The following GAD1 variants were observed in gnomAD, a reference collection of about 807,000 sequenced individuals.
GAD1 encodes the protein glutamate decarboxylase 1.
A neutral mutation model predicts 75.2 loss-of-function variants in GAD1; 35 were observed. That is an observed-to-expected ratio of 0.47 (90% CI 0.36 to 0.62). The LOEUF is 0.62. Among genes scored for constraint, GAD1 ranks in the 20% least tolerant of loss-of-function variants. The pLI, the probability that GAD1 is intolerant of heterozygous loss-of-function variation, is 0.00. For synonymous variants in GAD1, 257 were observed against 271.9 expected, an observed-to-expected ratio of 0.95 and a Z score of 0.54; for missense variants, 490 against 758.5, an observed-to-expected ratio of 0.65 and a Z score of 4.16.
intron 6 of GAD1, 119 bp from the exon 7 acceptor site, chr2:170,843,926 G>C (rs1466828842): frequency 1.4e-6 from 1 of 701,726 alleles, no homozygotes; most frequent in Non-Finnish European, 2.6e-6. Context: ...CATGTTAGTG[G>C]TTTGGAACAG....
In GAD1 at chr2:170,857,020, C is replaced by T; in HGVS notation, c.1416C>T (p.Gly472=). Residue 472 remains glycine, a splice_region_variant and synonymous_variant, in exon 15 of 17, where the codon GGC becomes GGT. Transcript: ENST00000358196. The part of the protein sequence containing the change: ...FKFWLMWKAK[G]TVGFENQINK... Reference sequence around the variant, plus strand: ...CATGACTTTTCTCTTTAAAACAGGGCACAGTGGGATTTGAAAACCAGATCA... The same window carrying T: ...CATGACTTTTCTCTTTAAAACAGGGTACAGTGGGATTTGAAAACCAGATCA... The T allele has an allele frequency of 6.2e-7, 1 of 1,612,982 alleles. No individual in the cohort carries two copies. Among genetic ancestry groups the T allele is most frequent in the Non-Finnish European group, 8.5e-7 (1 of 1,179,128 alleles).
In GAD1 at chr2:170,853,302, A is replaced by G. The variant is rs895862546; in HGVS notation, c.1263+510A>G. 118 of 206,226 alleles carry G rather than the reference A, an allele frequency of 5.7e-4. No homozygotes were observed. Among genetic ancestry groups the G allele is most frequent in the African/African-American group, 2.7e-3 (117 of 43,210 alleles). 12.8% of individuals were successfully genotyped at this position (206,226 alleles called of 1,614,324 possible). Reference sequence around the variant, plus strand: ...CTCATATTCCCTTCTTCACATGCCTAATGTTAGGATCCTGCCCTCCAAGGC... The same window carrying G: ...CTCATATTCCCTTCTTCACATGCCTGATGTTAGGATCCTGCCCTCCAAGGC... On this transcript the variant is annotated intron_variant, in intron 13 of 16. Transcript: ENST00000358196. This position sits in a 1 kb window ranked among gnomAD's most constrained non-coding sequence, Gnocchi z 4.1.
At chr2:170,852,986 G>A in intron 13 of GAD1, 194 bp downstream of exon 13, 5 of 659,642 alleles carry the variant, frequency 7.6e-6, no homozygotes, top group African/African-American at 3.6e-5. Context: ...GCTGGCTACT[G>A]TGCTTCTTCT....
At chr2:170,857,429 T>C (rs915342085) in intron 15 of GAD1, among the ~76,000 whole-genome samples, 20 of 152,080 alleles carry the variant, frequency 1.3e-4, no homozygotes, top group Non-Finnish European at 2.2e-4. Flanking sequence ...CTTGGGTTTG[T>C]TTTGTGTTGA....
At chr2:170,849,376 C>T (rs1446766796) in intron 12 of GAD1, 26 bp downstream of exon 12, 1 of 1,609,520 alleles carries the variant, frequency 6.2e-7, no homozygotes, top group South Asian at 1.1e-5. Flanking sequence ...CGCCAGGCCT[C>T]CTTCCACCCA....
Position 170,826,332 on chromosome 2 carries a change from C to T in GAD1, c.146-3143C>T, listed in dbSNP as rs186393500. ...CTGTAATCCCAGCACTTTGGGAGGC[C>T]GAGACAGGTGGATCACCTGAGGTCA... On this transcript the variant is annotated intron_variant, in intron 3 of 16. Coordinates refer to ENST00000358196, the MANE Select transcript of GAD1 (RefSeq NM_000817.3). 2.7e-3 allele frequency among the ~76,000 whole-genome samples: 411 copies of T among 151,872 alleles called. 10 individuals are homozygous for T. Among genetic ancestry groups the T allele is most frequent in the Admixed American group, 0.023 (354 of 15,248 alleles).
intron 4 of GAD1, 39 bp downstream of exon 4, chr2:170,829,672 G>C: frequency 6.2e-7 from 1 of 1,601,878 alleles, no homozygotes; most frequent in Non-Finnish European, 8.5e-7. Flanking sequence ...CTAGCCAGTA[G>C]ATTTCTTATT....
chr2:170,853,869 A>G lies in GAD1; in HGVS notation c.1264-4A>G. The G allele has an allele frequency of 6.2e-7, 1 of 1,614,074 alleles. No individual in the cohort carries two copies. The highest frequency in any genetic ancestry group is 1.1e-5 in the South Asian group (1 of 91,082). ...AGATGCACCCATCTTAATTTCCATG[A>G]TAGGGTATACTCCAAGGATGCAACC... On this transcript the variant is annotated splice_polypyrimidine_tract_variant and splice_region_variant and intron_variant, in intron 13 of 16. Coordinates refer to ENST00000358196, the MANE Select transcript of GAD1 (RefSeq NM_000817.3). This position sits in a 1 kb window ranked among gnomAD's most constrained non-coding sequence, Gnocchi z 4.1.
At chr2:170,823,641 C>G (rs1701950768) in intron 3 of GAD1, among the ~76,000 whole-genome samples, 1 of 151,892 alleles carries the variant, frequency 6.6e-6, no homozygotes, top group African/African-American at 2.4e-5. Context: ...TAGCCCCGTC[C>G]CACTCCCACC....
intron 12 of GAD1, among the ~76,000 whole-genome samples, chr2:170,851,614 TG>T (rs924118949): frequency 1.3e-5 from 2 of 152,220 alleles, no homozygotes; most frequent in African/African-American, 4.8e-5. Flanking sequence ...AGGATGATTC[TG>T]AGCCAATTGC....
At position 170,860,008 on chromosome 2, in the gene GAD1, AT is replaced by A; in HGVS notation, c.*128del. ...GGGAAAACATAATATCTTGAAGAAT[AT>A]TGTTAAAACCTTACTTAAAGCTTGT... On this transcript the variant is annotated 3_prime_UTR_variant, in exon 17 of 17. Coordinates refer to ENST00000358196, the MANE Select transcript of GAD1 (RefSeq NM_000817.3). The A allele has an allele frequency of 1.1e-6, 1 of 916,738 alleles. No individual in the cohort carries two copies. Among genetic ancestry groups the A allele is most frequent in the Non-Finnish European group, 1.7e-6 (1 of 577,940 alleles). 56.8% of individuals were successfully genotyped at this position (916,738 alleles called of 1,614,324 possible).
At chr2:170,815,378 A>C (rs190864817), upstream of GAD1, among the ~76,000 whole-genome samples, 136 of 152,320 alleles carry the variant, frequency 8.9e-4, no homozygotes, top group African/African-American at 3.0e-3. Flanking sequence ...TAGTTTCTTT[A>C]GTACCAAAGG....
chr2:170,851,299 T>G (rs1702739660), intron 12 of GAD1, among the ~76,000 whole-genome samples: 1 of 152,250 alleles, frequency 6.6e-6, no homozygotes, highest in Admixed American at 6.5e-5. Context: ...AATATAATTT[T>G]TTAATGACTT....
chr2:170,842,767 A>C, intron 6 of GAD1: 3 of 1,480,000 alleles, frequency 2.0e-6, no homozygotes, highest in Non-Finnish European at 2.7e-6. Context: ...ATATCTGAGG[A>C]TCCTTCAGGA....
chr2:170,847,091 G>T (rs989190154), intron 10 of GAD1, among the ~76,000 whole-genome samples: 5 of 152,136 alleles, frequency 3.3e-5, no homozygotes, highest in African/African-American at 1.2e-4. Context: ...TTTTGTTTAT[G>T]TCAACATTTA....
At chr2:170,836,917 G>C (rs765615566) in intron 6 of GAD1, 34 bp downstream of exon 6, 27 of 1,416,258 alleles carry the variant, frequency 1.9e-5, no homozygotes, top group Non-Finnish European at 2.7e-5. Context: ...AAGCAACCCT[G>C]ATGTATGACT....
At chr2:170,821,782 T>TCCGACC in intron 2 of GAD1, 1 of 452,868 alleles carries the variant, frequency 2.2e-6, no homozygotes, top group Non-Finnish European at 4.1e-6. Context: ...TTCACCCAAC[T>TCCGACC]CCGACCCCAC....
Position 170,859,934 on chromosome 2 carries a change from C to A in GAD1, c.*52C>A. The stretch of plus-strand genomic sequence containing the variant: ...GGGAATGCCTTTTCCCTCTGGCACT[C>A]CAGAACAAACCTCTATATGTTGCTG... On this transcript the variant is annotated 3_prime_UTR_variant, in exon 17 of 17. Coordinates refer to ENST00000358196, the MANE Select transcript of GAD1 (RefSeq NM_000817.3). 6.6e-7 allele frequency: 1 copy of A among 1,516,232 alleles called. No individual in the cohort carries two copies. The highest frequency in any genetic ancestry group is 2.3e-5 in the East Asian group (1 of 44,154). 93.9% of individuals were successfully genotyped at this position (1,516,232 alleles called of 1,614,324 possible).
intron 5 of GAD1, among the ~76,000 whole-genome samples, chr2:170,831,594 ATG>A (rs370649454): frequency 0.1 from 12,211 of 122,678 alleles, 986 homozygotes; most frequent in African/African-American, 0.22. Flanking sequence ...GTCTCTACAT[ATG>A]TGTGTGTGTG....
Sources: allele counts gnomAD v4.1 joint callset (sites outside exome capture counted in the v4.1 genomes callset), GRCh38; gene constraint gnomAD v4.1.1; non-coding constraint Gnocchi (gnomAD v3.1); transcripts MANE v1.5; gene names NCBI Gene and HGNC (gene_info 2026-07-23, HGNC 2026-07-21).